Variants in TMEM232 observed in about 807,000 individuals in gnomAD.
TMEM232 encodes transmembrane protein 232.
A neutral mutation model predicts 78.8 loss-of-function variants in TMEM232; 80 were observed. The ratio of observed to expected loss-of-function variants is 1.01; its 90% CI spans 0.85 to 1.22. TMEM232 has a LOEUF of 1.22. Among genes scored for constraint, TMEM232 ranks in the 50% most tolerant of loss-of-function variants. The pLI is 0.00. For synonymous variants in TMEM232, 297 were observed against 254.3 expected, an observed-to-expected ratio of 1.17 and a Z score of -1.60; for missense variants, 881 against 742.2, an observed-to-expected ratio of 1.19 and a Z score of -2.17.
At chr5:110,484,613 T>G (rs1764260126) in intron 12 of TMEM232, among the ~76,000 whole-genome samples, 1 of 151,738 alleles carries the variant, frequency 6.6e-6, no homozygotes, top group Non-Finnish European at 1.5e-5. Context: ...AGGCCGAAAG[T>G]AAAAAGATAA....
At chr5:110,700,857 G>A (rs1224114202) in intron 1 of TMEM232, among the ~76,000 whole-genome samples, 1 of 151,608 alleles carries the variant, frequency 6.6e-6, no homozygotes, top group Non-Finnish European at 1.5e-5. Flanking sequence ...AGCATTAATT[G>A]ACACAAGAGC....
chr5:110,501,846 G>A (rs1157061068), intron 12 of TMEM232, among the ~76,000 whole-genome samples: 4 of 152,148 alleles, frequency 2.6e-5, no homozygotes, highest in Non-Finnish European at 5.9e-5. Context: ...ACCATCAGAA[G>A]TGGGAAAGAG....
At chr5:110,707,891 A>G (rs1480137688) in intron 1 of TMEM232, among the ~76,000 whole-genome samples, 2 of 152,110 alleles carry the variant, frequency 1.3e-5, no homozygotes, top group African/African-American at 4.8e-5. Context: ...TTATGAAGAC[A>G]TTTTTAGACA....
intron 1 of TMEM232, among the ~76,000 whole-genome samples, chr5:110,736,572 T>C (rs1799193712): frequency 7.9e-6 from 1 of 127,336 alleles, no homozygotes; most frequent in Non-Finnish European, 1.8e-5. Context: ...TCATCTCTAA[T>C]GTAATCTATA....
chr5:110,644,897 T>C (rs1561444530), intron 2 of TMEM232, among the ~76,000 whole-genome samples: 2 of 142,734 alleles, frequency 1.4e-5, no homozygotes, highest in African/African-American at 2.9e-5. Context: ...AAATCAGAAA[T>C]GAAAGTGAAA....
chr5:110,503,824 T>G lies in TMEM232; in HGVS notation c.1703+24764A>C, dbSNP rs372530899. Among the ~76,000 whole-genome samples the G allele has an allele frequency of 6.6e-5, 10 of 152,338 alleles. 1 individual carries two copies. The East Asian group carries it at 7.7e-4, about 12-fold the overall frequency. ...GCTTTAAAAACACTAATTTGAGTGG[T>G]TATGAAATGACTGTGCATAAAATGG... On this transcript the variant is annotated intron_variant, in intron 12 of 13. Coordinates refer to ENST00000455884, the MANE Select transcript of TMEM232 (RefSeq NM_001039763.4).
Position 110,619,075 on chromosome 5 carries a change from T to C in TMEM232, c.769-513A>G, listed in dbSNP as rs570922438. On this transcript the variant is annotated intron_variant, in intron 7 of 13. Transcript: ENST00000455884. ...TAACAAATAAGCTGTTGTTTAGTTT[T>C]TCCTTAGAGTGCTTCCCAACAGTTT... Among the ~76,000 whole-genome samples, 147 of 152,314 alleles carry C rather than the reference T, an allele frequency of 9.7e-4. 1 individual carries two copies. Among genetic ancestry groups the C allele is most frequent in the African/African-American group, 3.4e-3 (143 of 41,580 alleles).
At chr5:110,435,364 G>C (rs77489732) in intron 12 of TMEM232, among the ~76,000 whole-genome samples, 5,552 of 151,448 alleles carry the variant, frequency 0.037, 142 homozygotes, top group African/African-American at 0.072. Flanking sequence ...TATATACTAG[G>C]TATATATACC....
intron 2 of TMEM232, among the ~76,000 whole-genome samples, chr5:110,665,811 T>C (rs891264800): frequency 4.0e-5 from 6 of 150,942 alleles, no homozygotes; most frequent in South Asian, 2.1e-4. Flanking sequence ...TTCCAACTTT[T>C]TGGGACGAAA....
chr5:110,696,407 C>T (rs1385984904), intron 1 of TMEM232, among the ~76,000 whole-genome samples: 2 of 152,160 alleles, frequency 1.3e-5, no homozygotes, highest in Admixed American at 1.3e-4. Flanking sequence ...CAGGGATGCC[C>T]TCTCTCACCA....
At chr5:110,565,901 A>C (rs759757295) in intron 11 of TMEM232, among the ~76,000 whole-genome samples, 21 of 151,894 alleles carry the variant, frequency 1.4e-4, no homozygotes, top group Non-Finnish European at 2.4e-4. Context: ...TCCTTTCTAC[A>C]GTCAATTTTC....
At chr5:110,436,105 C>T (rs1758404974) in intron 12 of TMEM232, among the ~76,000 whole-genome samples, 1 of 151,934 alleles carries the variant, frequency 6.6e-6, no homozygotes, top group Non-Finnish European at 1.5e-5. Flanking sequence ...CTCTCCACAT[C>T]CTCTCTAGCA....
chr5:110,657,526 A>C (rs1335940540), intron 2 of TMEM232, among the ~76,000 whole-genome samples: 1 of 152,294 alleles, frequency 6.6e-6, no homozygotes, highest in East Asian at 1.9e-4. Flanking sequence ...GATCTCACTC[A>C]TATGTGGAAT....
At chr5:110,564,530 GA>G (rs1169201336) in intron 11 of TMEM232, among the ~76,000 whole-genome samples, 1 of 151,924 alleles carries the variant, frequency 6.6e-6, no homozygotes, top group Non-Finnish European at 1.5e-5. Flanking sequence ...CTGTGTAATG[GA>G]AAACTTAAAA....
chr5:110,707,918 G>T (rs529222749), intron 1 of TMEM232, among the ~76,000 whole-genome samples: 1 of 152,262 alleles, frequency 6.6e-6, no homozygotes, highest in Admixed American at 6.5e-5. Flanking sequence ...GGGCCAAAAG[G>T]AAACCTGCTG....
At chr5:110,681,184 T>C (rs1792704468) in intron 1 of TMEM232, among the ~76,000 whole-genome samples, 1 of 152,084 alleles carries the variant, frequency 6.6e-6, no homozygotes, top group Non-Finnish European at 1.5e-5. Context: ...TATACGACAA[T>C]TTCTCAGGCA....
rs186594868 is a variant in TMEM232, at chr5:110,512,336, C to A, written c.1703+16252G>T. ...TATGTGGGTGCAAAGTTCCAAATAACTTTTGGTGGACAACCAACATGCTAG... is the reference window on the plus strand; with the variant it reads ...TATGTGGGTGCAAAGTTCCAAATAAATTTTGGTGGACAACCAACATGCTAG... On this transcript the variant is annotated intron_variant, in intron 12 of 13. Coordinates refer to ENST00000455884, the MANE Select transcript of TMEM232 (RefSeq NM_001039763.4). Among the ~76,000 whole-genome samples, 67 of 152,264 alleles carry A rather than the reference C, an allele frequency of 4.4e-4. 2 individuals carry two copies. The East Asian group carries it at 0.012, about 27-fold the overall frequency.
intron 12 of TMEM232, among the ~76,000 whole-genome samples, chr5:110,484,706 GA>G (rs1764271108): frequency 1.3e-5 from 2 of 151,582 alleles, no homozygotes; most frequent in Admixed American, 6.6e-5. Flanking sequence ...GCTACTAGAG[GA>G]AAAAAAGATA....
intron 1 of TMEM232, among the ~76,000 whole-genome samples, chr5:110,737,002 TA>T (rs5870418): frequency 0.94 from 126,355 of 134,776 alleles, 59,479 homozygotes; most frequent in South Asian, 0.99. Flanking sequence ...TTCCTTATTC[TA>T]AAAAAAAAAA....
Sources: allele counts gnomAD v4.1 joint callset (sites outside exome capture counted in the v4.1 genomes callset), GRCh38; gene constraint gnomAD v4.1.1; transcripts MANE v1.5; gene names NCBI Gene and HGNC (gene_info 2026-07-23, HGNC 2026-07-21).